Variants in PDE1A observed in about 807,000 individuals in gnomAD.
PDE1A encodes the protein dual specificity calcium/calmodulin-dependent 3',5'-cyclic nucleotide phosphodiesterase 1A.
Under a neutral mutation model 61.7 loss-of-function variants are expected in PDE1A, and 35 were observed. The ratio of observed to expected loss-of-function variants is 0.57; its 90% confidence interval spans 0.43 to 0.75. The LOEUF is 0.75. Ranked by LOEUF, PDE1A falls within the 30% of genes least tolerant of loss-of-function variation. The pLI is 0.00. For synonymous variants in PDE1A, 232 were observed against 213.2 expected (o/e 1.09, Z -0.77); for missense variants, 597 against 630.6 (o/e 0.95, Z 0.57).
intron 2 of PDE1A, among the ~76,000 whole-genome samples, chr2:182,508,024 T>C (rs1301873271): frequency 2.0e-5 from 3 of 152,074 alleles, no homozygotes; most frequent in African/African-American, 7.2e-5. Context: ...GGGAAGAGCA[T>C]TCTTATGTGC....
rs142297711 is a variant in PDE1A, at chr2:182,199,389, G to A, written c.1125+2050C>T. On this transcript the variant is annotated intron_variant, in intron 10 of 13. Coordinates refer to ENST00000351439, the Ensembl canonical transcript of PDE1A. ...TTTTCTTAATTTCTAGCTTCTTAAG[G>A]TGAAACAGATATAACTTACTTTATT... is the stretch of plus-strand genomic sequence containing the variant. 5.8e-3 allele frequency among the ~76,000 whole-genome samples: 887 copies of A among 151,712 alleles called. 2 individuals are homozygous for A. Among genetic ancestry groups the A allele is most frequent in the Non-Finnish European group, 9.8e-3 (662 of 67,840 alleles).
chr2:182,304,848 T>C (rs1048030373), intron 1 of PDE1A, among the ~76,000 whole-genome samples: 1 of 152,138 alleles, frequency 6.6e-6, no homozygotes, highest in Non-Finnish European at 1.5e-5. Context: ...ACAATATAGT[T>C]TGCAAGAATT....
intron 1 of PDE1A, among the ~76,000 whole-genome samples, chr2:182,348,148 A>C (rs988410223): frequency 3.3e-5 from 5 of 152,188 alleles, no homozygotes; most frequent in African/African-American, 9.6e-5. Flanking sequence ...CAGATCTTTA[A>C]GAAAAATAAT....
intron 2 of PDE1A, among the ~76,000 whole-genome samples, chr2:182,471,455 C>G (rs1395939449): frequency 2.0e-5 from 3 of 151,656 alleles, no homozygotes; most frequent in African/African-American, 7.3e-5. Context: ...ATTATGACTT[C>G]TCAAATTTTG....
downstream of PDE1A, among the ~76,000 whole-genome samples, chr2:182,167,128 A>C (rs1050117683): frequency 4.8e-4 from 73 of 152,294 alleles, no homozygotes; most frequent in African/African-American, 1.7e-3. Flanking sequence ...AGTTACTTCC[A>C]GGTTGAGTGT....
At chr2:182,637,569 G>C in the PDE1A span, among the ~76,000 whole-genome samples, 95 of 152,196 alleles carry the variant, frequency 6.2e-4, 1 homozygote, top group Middle Eastern at 3.4e-3. Flanking sequence ...AATGATGAAG[G>C]TTAGAATCTC....
the PDE1A span, among the ~76,000 whole-genome samples, chr2:182,553,259 T>G: frequency 6.6e-6 from 1 of 152,168 alleles, no homozygotes; most frequent in Non-Finnish European, 1.5e-5. Flanking sequence ...ATCTTGGAAG[T>G]GGCTCGCCAC....
At chr2:182,694,709 T>G in the PDE1A span, among the ~76,000 whole-genome samples, 2 of 150,766 alleles carry the variant, frequency 1.3e-5, no homozygotes, top group East Asian at 3.9e-4. Flanking sequence ...GAAGAAAAAT[T>G]CAAGAGAAGA....
At chr2:182,292,904 T>G (rs1559303388) in intron 1 of PDE1A, among the ~76,000 whole-genome samples, 1 of 150,892 alleles carries the variant, frequency 6.6e-6, no homozygotes, top group Admixed American at 6.6e-5. Flanking sequence ...TTTTGCAAAC[T>G]TAAAAAATAT....
At chr2:182,527,332 A>G (rs1489114964), upstream of PDE1A, among the ~76,000 whole-genome samples, 27 of 6,752 alleles carry the variant, frequency 4.0e-3, no homozygotes, top group African/African-American at 0.019. Context: ...AAAAAAATAT[A>G]TATATATATA....
At chr2:182,686,744 G>A in the PDE1A span, among the ~76,000 whole-genome samples, 8,577 of 152,282 alleles carry the variant, frequency 0.056, 332 homozygotes, top group Non-Finnish European at 0.088. Context: ...CACCTTACCC[G>A]GGAAACGCAA....
chr2:182,326,362 T>TACAATG (rs1697048536), intron 1 of PDE1A, among the ~76,000 whole-genome samples: 1 of 152,204 alleles, frequency 6.6e-6, no homozygotes, highest in Non-Finnish European at 1.5e-5. Context: ...GACATATGCA[T>TACAATG]ACAATGAAAT....
intron 10 of PDE1A, among the ~76,000 whole-genome samples, chr2:182,200,182 A>C (rs950264064): frequency 6.6e-6 from 1 of 152,182 alleles, no homozygotes; most frequent in African/African-American, 2.4e-5. Flanking sequence ...TCTGATATTC[A>C]TTCCCAGTTC....
At chr2:182,568,852 C>G in the PDE1A span, among the ~76,000 whole-genome samples, 2 of 151,716 alleles carry the variant, frequency 1.3e-5, no homozygotes, top group African/African-American at 4.8e-5. Context: ...ATATTTATTT[C>G]CTATAGGCCA....
chr2:182,221,648 T>C (rs111771969), intron 7 of PDE1A, among the ~76,000 whole-genome samples: 6 of 152,018 alleles, frequency 3.9e-5, no homozygotes, highest in African/African-American at 1.4e-4. Flanking sequence ...CTTCACTGTT[T>C]GAATTGCAAC....
chr2:182,685,685 C>G, the PDE1A span, among the ~76,000 whole-genome samples: 1 of 152,162 alleles, frequency 6.6e-6, no homozygotes, highest in Non-Finnish European at 1.5e-5. Flanking sequence ...GTGTGCCCTT[C>G]CCTTTCTTGC....
At chr2:182,348,581 A>G (rs1467477819) in intron 1 of PDE1A, among the ~76,000 whole-genome samples, 1 of 152,002 alleles carries the variant, frequency 6.6e-6, no homozygotes, top group Non-Finnish European at 1.5e-5. Flanking sequence ...ACACATCTTA[A>G]TAAGTGTCAC....
the PDE1A span, among the ~76,000 whole-genome samples, chr2:182,644,492 T>C: frequency 6.6e-6 from 1 of 152,022 alleles, no homozygotes; most frequent in African/African-American, 2.4e-5. Context: ...AATTCTACAT[T>C]AGAAGGTAAG....
At chr2:182,577,640 T>C in the PDE1A span, among the ~76,000 whole-genome samples, 3 of 152,202 alleles carry the variant, frequency 2.0e-5, no homozygotes, top group African/African-American at 4.8e-5. Context: ...ACCTCTAAAA[T>C]TGCACTCATA....
Sources: allele counts gnomAD v4.1 joint callset (sites outside exome capture counted in the v4.1 genomes callset), GRCh38; gene constraint gnomAD v4.1.1; transcripts MANE v1.5; gene names NCBI Gene and HGNC (gene_info 2026-07-23, HGNC 2026-07-21).